The following ADGRF5 variants were observed in gnomAD, a reference collection of about 807,000 sequenced individuals.
ADGRF5 encodes adhesion G protein-coupled receptor F5, also known as G-protein coupled receptor 116.
Under a neutral mutation model 132.3 loss-of-function variants are expected in ADGRF5, and 75 were observed. The ratio of observed to expected loss-of-function variants is 0.57; its 90% CI spans 0.47 to 0.69. The LOEUF is 0.69. Ranked by LOEUF, ADGRF5 falls within the 30% of genes least tolerant of loss-of-function variation. ADGRF5 has a pLI of 0.00. For synonymous variants in ADGRF5, 629 were observed against 597.6 expected, an observed-to-expected ratio of 1.05 and a Z score of -0.77; for missense variants, 1,516 against 1,630.6, an observed-to-expected ratio of 0.93 and a Z score of 1.21.
intron 19 of ADGRF5, among the ~76,000 whole-genome samples, 157 bp from the exon 20 acceptor site, chr6:46,856,215 T>A (rs1769030411): frequency 6.6e-6 from 1 of 152,240 alleles, no homozygotes; most frequent in South Asian, 2.1e-4. Context: ...AATCTTATCA[T>A]CTGTATTAGA....
chr6:46,865,926 G>A (rs758640838), intron 13 of ADGRF5, among the ~76,000 whole-genome samples: 2 of 152,186 alleles, frequency 1.3e-5, no homozygotes, highest in Middle Eastern at 3.4e-3. Context: ...GGTGTCTTGC[G>A]TTGAGTAAGC....
Position 46,859,536 on chromosome 6 carries a change from T to A in ADGRF5, c.2380-13A>T, listed in dbSNP as rs779781103. The A allele has an allele frequency of 1.3e-6, 2 of 1,547,864 alleles. No individual in the cohort carries two copies. Among genetic ancestry groups the A allele is most frequent in the Admixed American group, 1.8e-5 (1 of 54,238 alleles). ...TAGAGAGCACGTGCTGAAAGTGAAA[T>A]GGTATGGGGTCAAACTAACCAAATT... On this transcript the variant is annotated splice_polypyrimidine_tract_variant and intron_variant, in intron 16 of 20. Transcript: ENST00000283296.
intron 10 of ADGRF5, among the ~76,000 whole-genome samples, chr6:46,875,154 T>A (rs1328962): frequency 0.084 from 12,830 of 152,168 alleles, 755 homozygotes; most frequent in Non-Finnish European, 0.12. Context: ...CTACTTTTGT[T>A]AGGCTGAGAT....
At chr6:46,911,096 C>T (rs1256015981) in intron 1 of ADGRF5, among the ~76,000 whole-genome samples, 3 of 152,192 alleles carry the variant, frequency 2.0e-5, no homozygotes, top group Non-Finnish European at 2.9e-5. Context: ...GCAATGGCTT[C>T]CCTTCTTTAC....
Position 46,869,083 on chromosome 6 carries a change from G to A in ADGRF5, c.1421C>T (p.Thr474Ile). ...AACAGAAATTGGGTCCGGGGTTATT[G>A]TTAGATTGGCTGAAAAAAAGGCAAA... ...KVTFISVANL[T>I]ITPDPISVSE... is the part of the protein sequence containing the mutation. The change falls in exon 12 of 21, where the codon ACA becomes ATA. Residue 474 changes from threonine to isoleucine, a missense_variant. Around this residue, in one of 2 missense-constraint regions of ADGRF5, gnomAD observed 945 missense variants for 929.4 expected, o/e 1.02. Coordinates refer to ENST00000283296, the MANE Select transcript of ADGRF5 (RefSeq NM_001098518.2). 1.2e-6 allele frequency: 2 copies of A among 1,613,538 alleles called. No individual in the cohort carries two copies. Among genetic ancestry groups the A allele is most frequent in the South Asian group, 2.2e-5 (2 of 91,028 alleles).
upstream of ADGRF5, among the ~76,000 whole-genome samples, chr6:46,923,455 G>C (rs894228140): frequency 6.6e-6 from 1 of 152,152 alleles, no homozygotes; most frequent in African/African-American, 2.4e-5. Flanking sequence ...CTTGAGACCA[G>C]AGTATTTGGG....
At chr6:46,889,590 A>ATATATG (rs1773434668) in intron 3 of ADGRF5, among the ~76,000 whole-genome samples, 2 of 145,636 alleles carry the variant, frequency 1.4e-5, no homozygotes, top group African/African-American at 5.0e-5. Flanking sequence ...ATATATATAT[A>ATATATG]TATAGTCTGG....
chr6:46,865,907 G>A (rs927202874), intron 13 of ADGRF5, among the ~76,000 whole-genome samples: 13 of 151,962 alleles, frequency 8.6e-5, no homozygotes, highest in Admixed American at 8.5e-4. Flanking sequence ...CCCTTTCATT[G>A]CCTACTATGG....
At chr6:46,854,793 A>C (rs750960033) in intron 20 of ADGRF5, 2 of 1,284,810 alleles carry the variant, frequency 1.6e-6, no homozygotes, top group South Asian at 2.5e-5. Context: ...TGACAACATA[A>C]ACCAAAGTTA....
chr6:46,891,560 A>T (rs911014255), intron 3 of ADGRF5, among the ~76,000 whole-genome samples: 1 of 151,772 alleles, frequency 6.6e-6, no homozygotes, highest in Non-Finnish European at 1.5e-5. Context: ...TGAGGTCAGT[A>T]ACAAATTCAT....
chr6:46,874,704 G>A (rs943962931), intron 10 of ADGRF5, among the ~76,000 whole-genome samples: 1 of 152,148 alleles, frequency 6.6e-6, no homozygotes, highest in African/African-American at 2.4e-5. Context: ...TGCTTCAGGG[G>A]CTGGGGCTGT....
chr6:46,918,448 G>T (rs113947294), intron 1 of ADGRF5, among the ~76,000 whole-genome samples: 1 of 152,164 alleles, frequency 6.6e-6, no homozygotes, highest in East Asian at 1.9e-4. Context: ...TTCATATTTA[G>T]TTCAACCCAG....
intron 1 of ADGRF5, among the ~76,000 whole-genome samples, chr6:46,952,814 A>C (rs1345238345): frequency 6.6e-6 from 1 of 152,196 alleles, no homozygotes; most frequent in African/African-American, 2.4e-5. Context: ...AGTCAAAATA[A>C]ATATAGCAAC....
intron 1 of ADGRF5, among the ~76,000 whole-genome samples, chr6:46,943,070 T>C (rs750162973): frequency 2.4e-4 from 36 of 152,194 alleles, no homozygotes; most frequent in Non-Finnish European, 2.8e-4. Flanking sequence ...AGGAAATTGT[T>C]GACTAAAGGT....
chr6:46,945,921 C>G (rs778427484), intron 1 of ADGRF5, among the ~76,000 whole-genome samples: 3 of 152,186 alleles, frequency 2.0e-5, no homozygotes, highest in African/African-American at 7.2e-5. Context: ...ACCATCAGAT[C>G]TCATGAGACG....
At chr6:46,906,270 C>T (rs1775354741) in intron 2 of ADGRF5, among the ~76,000 whole-genome samples, 1 of 152,156 alleles carries the variant, frequency 6.6e-6, no homozygotes, top group Non-Finnish European at 1.5e-5. Context: ...TAAAACAAAT[C>T]CTTTGAGAAC....
intron 9 of ADGRF5, among the ~76,000 whole-genome samples, chr6:46,879,446 T>C (rs1426394683): frequency 6.6e-6 from 1 of 152,018 alleles, no homozygotes; most frequent in East Asian, 1.9e-4. Flanking sequence ...GATCTGATGG[T>C]TTAAAACCAG....
chr6:46,943,689 G>T (rs1212567570), intron 1 of ADGRF5, among the ~76,000 whole-genome samples: 1 of 152,140 alleles, frequency 6.6e-6, no homozygotes, highest in Non-Finnish European at 1.5e-5. Flanking sequence ...GCCAAACCTG[G>T]TTTAAAATCT....
At chr6:46,941,649 G>A (rs960153823) in intron 1 of ADGRF5, among the ~76,000 whole-genome samples, 1 of 142,652 alleles carries the variant, frequency 7.0e-6, no homozygotes, top group Admixed American at 7.0e-5. Flanking sequence ...ATAGAGCATG[G>A]TTTTTTTTTT....
Sources: gnomAD v4.1 joint callset for allele counts (sites outside exome capture counted in the v4.1 genomes callset) on GRCh38, gnomAD v4.1.1 for gene constraint, gnomAD v4.1.1 regional missense constraint, MANE v1.5 for transcripts, NCBI Gene and HGNC (gene_info 2026-07-23, HGNC 2026-07-21) for gene names.